The following CHL1 variants were observed in gnomAD, a reference collection of about 807,000 sequenced individuals.
CHL1 encodes cell adhesion molecule L1 like.
In CHL1, 96 loss-of-function variants were observed where a neutral mutation model predicts 141.9. The ratio of observed to expected loss-of-function variants is 0.68; its 90% confidence interval spans 0.57 to 0.80. The LOEUF (loss-of-function observed/expected upper bound fraction) is 0.80, where lower values mean the gene tolerates loss of function less well. Among genes scored for constraint, CHL1 ranks in the 30% least tolerant of loss-of-function variants. The pLI is 0.00. For synonymous variants in CHL1, 613 were observed against 502.2 expected (o/e 1.22, Z -2.95); for missense variants, 1,820 against 1,457.2 (o/e 1.25, Z -4.05).
At chr3:328,126 C>T in intron 4 of CHL1, 41 bp from the exon 5 acceptor site, 4 of 1,485,388 alleles carry the variant, frequency 2.7e-6, no homozygotes, top group Non-Finnish European at 3.7e-6. Flanking sequence ...AAACATATGT[C>T]ATTATTTTTC....
chr3:310,794 C>T (rs752225878), intron 2 of CHL1, among the ~76,000 whole-genome samples: 15 of 152,268 alleles, frequency 9.9e-5, no homozygotes, highest in Non-Finnish European at 1.0e-4. Flanking sequence ...ATACATTCTA[C>T]GGGTTTTGAC....
At chr3:330,481 G>A (rs1157965211) in intron 5 of CHL1, among the ~76,000 whole-genome samples, 2 of 151,880 alleles carry the variant, frequency 1.3e-5, no homozygotes, top group South Asian at 2.1e-4. Context: ...TGGAGTGAAG[G>A]GAGAAAATAG....
rs202042716 is a variant in CHL1 at position 360,295 on chromosome 3, G to T, written c.1177G>T (p.Ala393Ser). ...TTAATCTCTTTCAGATCATCCATTTGCTGGTGATGTTGTCTTCCCCAGGGA... is the reference window on the plus strand; with the variant it reads ...TTAATCTCTTTCAGATCATCCATTTTCTGGTGATGTTGTCTTCCCCAGGGA... ...NGSPVDNHPF[A>S]GDVVFPREIS... The change falls in exon 12 of 28, where the codon GCT (alanine) becomes TCT (serine). Residue 393 changes from alanine to serine, a missense_variant. By Grantham distance (99) the Ala-to-Ser change is moderately conservative. Transcript: ENST00000256509. 6.2e-7 allele frequency: 1 copy of T among 1,613,698 alleles called. No homozygotes were observed. The highest frequency in any genetic ancestry group is 1.1e-5 in the South Asian group (1 of 91,064).
intron 5 of CHL1, among the ~76,000 whole-genome samples, chr3:331,834 C>T (rs1173506341): frequency 6.6e-6 from 1 of 152,164 alleles, no homozygotes. Flanking sequence ...ATGTGTTCAA[C>T]CTCTTTAGTT....
intron 15 of CHL1, among the ~76,000 whole-genome samples, chr3:366,339 C>A (rs1310174942): frequency 6.6e-6 from 1 of 151,946 alleles, no homozygotes; most frequent in Non-Finnish European, 1.5e-5. Flanking sequence ...GGCATGATGG[C>A]ACGTGCCTGT....
At chr3:248,608 T>G (rs1227382917) in intron 2 of CHL1, 1 of 152,142 alleles carries the variant, frequency 6.6e-6, no homozygotes. Context: ...AAAAGTTTCC[T>G]CTGTCCCTCT....
chr3:222,776 G>A (rs569608648), intron 1 of CHL1, among the ~76,000 whole-genome samples: 3 of 152,222 alleles, frequency 2.0e-5, no homozygotes, highest in African/African-American at 7.2e-5. Flanking sequence ...TTTTTATGAA[G>A]ATGGGGAAAA....
chr3:327,411 TTAAC>T (rs1157933851), intron 4 of CHL1, among the ~76,000 whole-genome samples: 2 of 108,572 alleles, frequency 1.8e-5, no homozygotes, highest in African/African-American at 2.8e-5. Flanking sequence ...GGGTGGGAAT[TTAAC>T]TGTGTACATT....
intron 1 of CHL1, among the ~76,000 whole-genome samples, chr3:224,102 C>G (rs1449201802): frequency 2.0e-5 from 3 of 152,132 alleles, no homozygotes; most frequent in Non-Finnish European, 4.4e-5. Flanking sequence ...TACCTACATC[C>G]TAATAGAGTT....
intron 2 of CHL1, among the ~76,000 whole-genome samples, chr3:294,348 T>C (rs1214730651): frequency 6.6e-6 from 1 of 152,154 alleles, no homozygotes; most frequent in Non-Finnish European, 1.5e-5. Context: ...CATACCTACA[T>C]ACGTACTAGA....
intron 27 of CHL1, among the ~76,000 whole-genome samples, chr3:402,001 A>G (rs2106430100): frequency 6.6e-6 from 1 of 152,338 alleles, no homozygotes; most frequent in East Asian, 1.9e-4. Flanking sequence ...TAGCATGGCC[A>G]TTATGAACTC....
At chr3:364,754 T>C (rs956557016) in intron 14 of CHL1, among the ~76,000 whole-genome samples, 1 of 152,172 alleles carries the variant, frequency 6.6e-6, no homozygotes, top group African/African-American at 2.4e-5. Flanking sequence ...CAAATCCTGG[T>C]TCAGCCCATT....
At chr3:330,442 A>T (rs1043024931) in intron 5 of CHL1, among the ~76,000 whole-genome samples, 39 of 152,156 alleles carry the variant, frequency 2.6e-4, no homozygotes, top group South Asian at 6.2e-4. Flanking sequence ...ATAAAAATGA[A>T]TGAGCTAATT....
At chr3:350,539 A>G in intron 10 of CHL1, among the ~76,000 whole-genome samples, 1 of 152,184 alleles carries the variant, frequency 6.6e-6, no homozygotes, top group East Asian at 1.9e-4. Context: ...ATATTCCAGT[A>G]AAGTTCACCT....
intron 15 of CHL1, among the ~76,000 whole-genome samples, chr3:366,552 C>G (rs551644170): frequency 1.2e-4 from 18 of 152,102 alleles, no homozygotes; most frequent in Middle Eastern, 3.4e-3. Context: ...CAAGTCACTT[C>G]ACTCTGCTAT....
At position 319,739 on chromosome 3, in the gene CHL1, T is replaced by A. The variant is rs754690049; in HGVS notation, c.-38T>A. 1 of 1,392,504 alleles carries A rather than the reference T, an allele frequency of 7.2e-7. No individual in the cohort carries two copies. The highest frequency in any genetic ancestry group is 1.8e-4 in the Middle Eastern group (1 of 5,622). The allele number at this position is 1,392,504 out of a possible 1,614,324, so 86.3% of individuals were successfully genotyped here. A position where few individuals can be genotyped will look rare whatever the true frequency, so the allele number is the denominator to read the frequency against. On this transcript the variant is annotated 5_prime_UTR_variant, in exon 3 of 28. Transcript: ENST00000256509. ...CCAAAAGTGAGAGGAGACATTAAGATTTTCATTCTTACCGGGTTGTCTTCT... is the reference window on the plus strand; with the variant it reads ...CCAAAAGTGAGAGGAGACATTAAGAATTTCATTCTTACCGGGTTGTCTTCT...
intron 2 of CHL1, among the ~76,000 whole-genome samples, chr3:271,038 C>G (rs756692440): frequency 3.3e-5 from 5 of 152,182 alleles, no homozygotes; most frequent in Non-Finnish European, 7.3e-5. Flanking sequence ...GTATAAGCCT[C>G]ATCTCTCAAT....
At chr3:242,431 C>T (rs1458629498) in intron 1 of CHL1, among the ~76,000 whole-genome samples, 4 of 135,006 alleles carry the variant, frequency 3.0e-5, no homozygotes, top group Non-Finnish European at 6.4e-5. Flanking sequence ...CCCGTCTCTA[C>T]TAAAAATACA....
chr3:350,323 T>G (rs1275692331), intron 10 of CHL1, among the ~76,000 whole-genome samples: 1 of 152,180 alleles, frequency 6.6e-6, no homozygotes, highest in Non-Finnish European at 1.5e-5. Context: ...GTTTGTCTAG[T>G]CCTCTGAATG....
Sources: gnomAD v4.1 joint callset for allele counts (sites outside exome capture counted in the v4.1 genomes callset) on GRCh38, gnomAD v4.1.1 for gene constraint, MANE v1.5 for transcripts, NCBI Gene and HGNC (gene_info 2026-07-23, HGNC 2026-07-21) for gene names.